GABRB3: variants seen among roughly 807,000 people sequenced by gnomAD.
GABRB3 encodes the protein gamma-aminobutyric acid type A receptor subunit beta3.
In GABRB3, 14 loss-of-function variants were observed where a neutral mutation model predicts 52.1. The ratio of observed to expected loss-of-function variants is 0.27; its 90% CI spans 0.18 to 0.42. GABRB3 has a LOEUF of 0.42. Ranked by LOEUF, GABRB3 falls within the 10% of genes least tolerant of loss-of-function variation. The pLI is 1.00. For synonymous variants in GABRB3, 260 were observed against 232.3 expected, an observed-to-expected ratio of 1.12 and a Z score of -1.08; for missense variants, 307 against 609.1, an observed-to-expected ratio of 0.50 and a Z score of 5.22.
chr15:26,703,579 T>A (rs1290897756), intron 3 of GABRB3, among the ~76,000 whole-genome samples: 3 of 152,124 alleles, frequency 2.0e-5, no homozygotes, highest in Non-Finnish European at 4.4e-5. Context: ...CAAAATCTCA[T>A]CCAAACATTG....
At chr15:26,650,170 T>C (rs1470045899) in intron 3 of GABRB3, among the ~76,000 whole-genome samples, 1 of 152,184 alleles carries the variant, frequency 6.6e-6, no homozygotes, top group Admixed American at 6.5e-5. Context: ...GGGTGCTTCA[T>C]GTACATCACC....
At chr15:26,766,694 T>C (rs1211313704) in intron 3 of GABRB3, among the ~76,000 whole-genome samples, 1 of 151,586 alleles carries the variant, frequency 6.6e-6, no homozygotes, top group Non-Finnish European at 1.5e-5. Context: ...CAGTCCTAAT[T>C]TGTCAACTGC....
At chr15:26,757,649 G>A (rs1311278773) in intron 3 of GABRB3, among the ~76,000 whole-genome samples, 2 of 152,100 alleles carry the variant, frequency 1.3e-5, no homozygotes, top group East Asian at 1.9e-4. Flanking sequence ...TAATCAACAC[G>A]GAGCAATTGA....
At chr15:26,714,019 A>C (rs2140133738) in intron 3 of GABRB3, among the ~76,000 whole-genome samples, 1 of 152,364 alleles carries the variant, frequency 6.6e-6, no homozygotes, top group South Asian at 2.1e-4. Flanking sequence ...CTGACCCGGA[A>C]GGAAACTCAA....
chr15:26,590,687 G>T (rs1325847856), intron 4 of GABRB3, among the ~76,000 whole-genome samples: 1 of 150,778 alleles, frequency 6.6e-6, no homozygotes, highest in Non-Finnish European at 1.5e-5. Flanking sequence ...CACATTCATA[G>T]AACTATCCAA....
At chr15:26,548,224 T>A (rs1419210753) in intron 8 of GABRB3, 90 bp from the exon 9 acceptor site, 1 of 1,005,354 alleles carries the variant, frequency 9.9e-7, no homozygotes, top group South Asian at 1.3e-5. Context: ...TGCCATCACA[T>A]GTTGCATGTT....
intron 8 of GABRB3, 54 bp downstream of exon 8, chr15:26,560,878 C>A (rs1046486816): frequency 1.2e-5 from 20 of 1,610,798 alleles, no homozygotes; most frequent in Non-Finnish European, 1.7e-5. Flanking sequence ...CAAGTAAATG[C>A]AGTAGCTGCT....
intron 3 of GABRB3, among the ~76,000 whole-genome samples, chr15:26,643,273 A>C (rs1333392813): frequency 6.6e-6 from 1 of 152,144 alleles, no homozygotes; most frequent in African/African-American, 2.4e-5. Context: ...CAGGTGCCTG[A>C]CTGCAGTCAT....
At chr15:26,732,992 T>G (rs1480298974) in intron 3 of GABRB3, among the ~76,000 whole-genome samples, 2 of 83,460 alleles carry the variant, frequency 2.4e-5, no homozygotes, top group Admixed American at 3.1e-4. Flanking sequence ...AGTAAGACCT[T>G]GTCTCTAATA....
chr15:26,651,483 A>C (rs2140590853), intron 3 of GABRB3, among the ~76,000 whole-genome samples: 1 of 152,318 alleles, frequency 6.6e-6, no homozygotes, highest in Non-Finnish European at 1.5e-5. Flanking sequence ...GAGCTATAAA[A>C]ATCAGGTGTA....
At chr15:26,656,936 T>G (rs1255745396) in intron 3 of GABRB3, 2 of 152,240 alleles carry the variant, frequency 1.3e-5, no homozygotes, top group Non-Finnish European at 2.9e-5. Flanking sequence ...GAAACAGCAA[T>G]AATGATGCTT....
intron 3 of GABRB3, among the ~76,000 whole-genome samples, chr15:26,715,630 T>C (rs1210805249): frequency 6.6e-6 from 1 of 152,244 alleles, no homozygotes; most frequent in African/African-American, 2.4e-5. Context: ...CCTGAGCACA[T>C]ACAATATGTT....
intron 3 of GABRB3, chr15:26,716,766 G>A: frequency 8.7e-7 from 1 of 1,146,012 alleles, no homozygotes; most frequent in South Asian, 2.0e-5. Context: ...GCCCAGCTCT[G>A]AGGACCTCCA....
intron 3 of GABRB3, among the ~76,000 whole-genome samples, chr15:26,674,533 G>A (rs1888009219): frequency 6.6e-6 from 1 of 151,812 alleles, no homozygotes; most frequent in South Asian, 2.1e-4. Flanking sequence ...GCACGCAGCA[G>A]AGAGGAATAT....
intron 3 of GABRB3, among the ~76,000 whole-genome samples, chr15:26,703,509 T>G (rs1401507143): frequency 6.6e-6 from 1 of 152,162 alleles, no homozygotes; most frequent in Non-Finnish European, 1.5e-5. Context: ...ATACATTCAC[T>G]CCATGCCAAT....
At chr15:26,646,556 C>T (rs944179828) in intron 3 of GABRB3, among the ~76,000 whole-genome samples, 9 of 152,082 alleles carry the variant, frequency 5.9e-5, no homozygotes, top group Non-Finnish European at 1.2e-4. Context: ...ATAGTGTTCT[C>T]ATTCTGCTTG....
chr15:26,716,205 C>T (rs1889461119), intron 3 of GABRB3, among the ~76,000 whole-genome samples: 1 of 152,192 alleles, frequency 6.6e-6, no homozygotes, highest in South Asian at 2.1e-4. Context: ...AAACAGCTCT[C>T]AGCAACTGAA....
chr15:26,562,616 A>T (rs779150962), intron 7 of GABRB3, among the ~76,000 whole-genome samples: 3 of 152,194 alleles, frequency 2.0e-5, no homozygotes, highest in African/African-American at 2.4e-5. Context: ...TTTACTAAGC[A>T]TTCCAATTTC....
intron 3 of GABRB3, among the ~76,000 whole-genome samples, chr15:26,717,327 T>C (rs112839383): frequency 0.019 from 2,840 of 152,148 alleles, 79 homozygotes; most frequent in African/African-American, 0.065. Context: ...AGCCCAGCTC[T>C]GGGGACCTCC....
Sources: gnomAD v4.1 joint callset for allele counts (sites outside exome capture counted in the v4.1 genomes callset) on GRCh38, gnomAD v4.1.1 for gene constraint, MANE v1.5 for transcripts, NCBI Gene and HGNC (gene_info 2026-07-23, HGNC 2026-07-21) for gene names.